Variants in GPR158 observed in about 807,000 individuals in gnomAD.
The protein encoded by GPR158 is metabotropic glycine receptor.
GPR158 carries 30 observed loss-of-function variants against 78.2 expected under a neutral mutation model. The ratio of observed to expected loss-of-function variants is 0.38; its 90% CI spans 0.29 to 0.52. The LOEUF is 0.52. GPR158 is among the 20% of genes least tolerant of loss of function. The pLI, the probability that GPR158 is intolerant of heterozygous loss-of-function variation, is 0.83. For missense variants in GPR158, 1,463 were observed against 1,523.5 expected, an observed-to-expected ratio of 0.96 and a Z score of 0.66; for synonymous variants, 581 against 591.1, an observed-to-expected ratio of 0.98 and a Z score of 0.25.
At chr10:25,292,369 G>T (rs73608258) in intron 2 of GPR158, among the ~76,000 whole-genome samples, 18,979 of 151,970 alleles carry the variant, frequency 0.12, 2,094 homozygotes, top group African/African-American at 0.29. Context: ...TGAGCTGGTT[G>T]CTCCTTTTCT....
In GPR158 at chr10:25,434,464, G is replaced by A. The variant is rs77156644; in HGVS notation, c.1335+21991G>A. Among the ~76,000 whole-genome samples, 49 of 152,180 alleles carry A rather than the reference G, an allele frequency of 3.2e-4. No homozygotes were observed. In the East Asian group the frequency reaches 8.5e-3, roughly 26 times the overall value. On this transcript the variant is annotated intron_variant, in intron 4 of 10. Transcript: ENST00000376351. ...TGAAAAATATTATGAGACATAAATC[G>A]TTGGTGGTTTTTCCAAATTTCTAGA...
chr10:25,368,014 A>G (rs906191985), intron 2 of GPR158, among the ~76,000 whole-genome samples: 2 of 151,908 alleles, frequency 1.3e-5, no homozygotes, highest in African/African-American at 2.4e-5. Context: ...CAGAGAATTA[A>G]TATTTTTGAG....
intron 2 of GPR158, among the ~76,000 whole-genome samples, chr10:25,316,778 T>C (rs1437441511): frequency 6.6e-6 from 1 of 152,192 alleles, no homozygotes; most frequent in East Asian, 1.9e-4. Context: ...GCTTGTGAGT[T>C]CACTCAGCAT....
chr10:25,260,531 CA>C (rs1853955087), intron 2 of GPR158, among the ~76,000 whole-genome samples: 1 of 151,592 alleles, frequency 6.6e-6, no homozygotes, highest in Non-Finnish European at 1.5e-5. Context: ...ACTTTTCTTC[CA>C]AAGAATCCAG....
intron 2 of GPR158, among the ~76,000 whole-genome samples, chr10:25,364,330 G>T (rs1260134604): frequency 3.3e-5 from 5 of 151,796 alleles, no homozygotes; most frequent in Non-Finnish European, 5.9e-5. Context: ...AGAATACACT[G>T]CCAGAAATCT....
chr10:25,297,892 G>A (rs1588783005), intron 2 of GPR158, among the ~76,000 whole-genome samples: 1 of 152,302 alleles, frequency 6.6e-6, no homozygotes, highest in East Asian at 1.9e-4. Flanking sequence ...CTATACATTG[G>A]AAAGAGCATG....
At chr10:25,445,545 G>A (rs16925877) in intron 4 of GPR158, among the ~76,000 whole-genome samples, 1 of 152,138 alleles carries the variant, frequency 6.6e-6, no homozygotes, top group Non-Finnish European at 1.5e-5. Context: ...CTCTCTGGTT[G>A]AATGTGGAAG....
At chr10:25,451,538 CT>C (rs1324253025) in intron 4 of GPR158, among the ~76,000 whole-genome samples, 2 of 152,164 alleles carry the variant, frequency 1.3e-5, no homozygotes, top group Non-Finnish European at 2.9e-5. Context: ...TTAGTAAAAG[CT>C]GCTTCAGGAG....
intron 2 of GPR158, among the ~76,000 whole-genome samples, chr10:25,311,717 T>C (rs1305850087): frequency 6.6e-6 from 1 of 152,030 alleles, no homozygotes; most frequent in Non-Finnish European, 1.5e-5. Context: ...TTTTTGATTA[T>C]GTGAGGTATA....
At chr10:25,196,643 A>G (rs1852848700) in intron 1 of GPR158, among the ~76,000 whole-genome samples, 1 of 152,328 alleles carries the variant, frequency 6.6e-6, no homozygotes, top group South Asian at 2.1e-4. Context: ...CCCCTTAGGA[A>G]GCTAGACAAA....
chr10:25,436,965 G>C (rs1433735987), intron 4 of GPR158, among the ~76,000 whole-genome samples: 1 of 152,150 alleles, frequency 6.6e-6, no homozygotes, highest in Non-Finnish European at 1.5e-5. Flanking sequence ...CCCTAAAGGA[G>C]GAGTTTCACA....
rs117222552 is a variant in GPR158, at chr10:25,212,159, A to G, written c.903-8893A>G. ...GTGTCAGTCTATTTTGCACTGCTAT[A>G]AAGAAATACCTGAGACTGGGTAATT... On this transcript the variant is annotated intron_variant, in intron 1 of 10. Transcript: ENST00000376351. Among the ~76,000 whole-genome samples, 11 of 152,306 alleles carry G rather than the reference A, an allele frequency of 7.2e-5. No individual in the cohort carries two copies. The East Asian group carries it at 1.9e-3, about 27-fold the overall frequency.
At chr10:25,444,364 G>A (rs79419851) in intron 4 of GPR158, among the ~76,000 whole-genome samples, 8,405 of 151,598 alleles carry the variant, frequency 0.055, 295 homozygotes, top group South Asian at 0.12. Context: ...GTATGCGTGC[G>A]GTAGTTGTGT....
intron 7 of GPR158, among the ~76,000 whole-genome samples, chr10:25,584,124 A>G (rs1837237674): frequency 6.6e-6 from 1 of 151,692 alleles, no homozygotes; most frequent in Non-Finnish European, 1.5e-5. Context: ...AGTTTCTGAA[A>G]GGATCTCGAA....
chr10:25,355,742 T>C (rs901635772), intron 2 of GPR158, among the ~76,000 whole-genome samples: 2 of 152,128 alleles, frequency 1.3e-5, no homozygotes, highest in Non-Finnish European at 2.9e-5. Context: ...TTTTGGCACA[T>C]TGCTTTGCTT....
intron 5 of GPR158, among the ~76,000 whole-genome samples, chr10:25,468,034 C>G (rs1191741808): frequency 6.6e-6 from 1 of 152,062 alleles, no homozygotes; most frequent in Non-Finnish European, 1.5e-5. Flanking sequence ...CCAGGAAGGT[C>G]GTATCGTGGT....
At chr10:25,437,292 C>A (rs918128179) in intron 4 of GPR158, among the ~76,000 whole-genome samples, 1 of 151,900 alleles carries the variant, frequency 6.6e-6, no homozygotes, top group Admixed American at 6.6e-5. Flanking sequence ...GTGGTACAGT[C>A]TCAGCTCACT....
rs577261820 is a variant in GPR158, at chr10:25,398,911, G to C, written c.1111+2898G>C. On this transcript the variant is annotated intron_variant, in intron 3 of 10. Transcript: ENST00000376351. ...AGTAAAGCAGGGGTCCCCAACCCTC[G>C]AGCTGCAGACTGGTGCCAGTTCATG... Among the ~76,000 whole-genome samples, 4 of 152,308 alleles carry C rather than the reference G, an allele frequency of 2.6e-5. No individual in the cohort carries two copies. The South Asian group carries it at 8.3e-4, about 32-fold the overall frequency.
chr10:25,375,328 G>A (rs72796170), intron 2 of GPR158, among the ~76,000 whole-genome samples: 12,289 of 151,452 alleles, frequency 0.081, 560 homozygotes, highest in South Asian at 0.21. Flanking sequence ...CATACCTCTC[G>A]TTTTCATCAC....
Sources: allele counts gnomAD v4.1 joint callset (sites outside exome capture counted in the v4.1 genomes callset), GRCh38; gene constraint gnomAD v4.1.1; transcripts MANE v1.5; gene names NCBI Gene and HGNC (gene_info 2026-07-23, HGNC 2026-07-21).